Variants in GPATCH2 observed in about 807,000 individuals in gnomAD.
GPATCH2 encodes the protein G patch domain-containing protein 2.
A neutral mutation model predicts 58.0 loss-of-function variants in GPATCH2; 51 were observed. The observed-to-expected ratio is 0.88, with a 90% CI of 0.70 to 1.11. The LOEUF (loss-of-function observed/expected upper bound fraction) is 1.11. Ranked by LOEUF, GPATCH2 falls within the 50% of genes most tolerant of loss-of-function variation. The pLI, the probability that GPATCH2 is intolerant of heterozygous loss-of-function variation, is 0.00. For missense variants in GPATCH2, 625 were observed against 652.2 expected (o/e 0.96, Z 0.45); for synonymous variants, 222 against 218.5 (o/e 1.02, Z -0.14).
chr1:217,593,765 A>G (rs1381915168), intron 5 of GPATCH2, among the ~76,000 whole-genome samples: 2 of 152,080 alleles, frequency 1.3e-5, no homozygotes, highest in Admixed American at 6.5e-5. Flanking sequence ...AATATATGGT[A>G]TTGTAAAAAC....
At chr1:217,436,215 C>A (rs916596111) in intron 9 of GPATCH2, among the ~76,000 whole-genome samples, 3 of 151,766 alleles carry the variant, frequency 2.0e-5, no homozygotes, top group African/African-American at 7.3e-5. Flanking sequence ...AAATAGAAAA[C>A]TGTTTTGGCC....
intron 8 of GPATCH2, among the ~76,000 whole-genome samples, chr1:217,465,595 G>A (rs1023296507): frequency 1.3e-5 from 2 of 152,128 alleles, no homozygotes. Context: ...GATCTGATTG[G>A]TTTATCAGGG....
intron 5 of GPATCH2, among the ~76,000 whole-genome samples, chr1:217,605,882 A>G (rs1469726502): frequency 1.3e-5 from 2 of 152,156 alleles, no homozygotes; most frequent in Admixed American, 1.3e-4. Flanking sequence ...AGTTTAATGC[A>G]CAAACTATGG....
intron 7 of GPATCH2, among the ~76,000 whole-genome samples, chr1:217,496,052 A>G (rs1661991173): frequency 6.6e-6 from 1 of 152,212 alleles, no homozygotes; most frequent in South Asian, 2.1e-4. Context: ...AATAAACTAA[A>G]AGATTTTATA....
In GPATCH2 at chr1:217,565,435, A is replaced by G. The variant is rs545762214; in HGVS notation, c.1098+44886T>C. 1.5e-4 allele frequency among the ~76,000 whole-genome samples: 23 copies of G among 152,338 alleles called. 1 individual carries two copies. The South Asian group carries it at 4.3e-3, about 29-fold the overall frequency. On this transcript the variant is annotated intron_variant, in intron 5 of 9. Coordinates refer to ENST00000366935, the MANE Select transcript of GPATCH2 (RefSeq NM_018040.5). Reference sequence around the variant, plus strand: ...TACGAAATTTAAGGAAATTCCTGAAAAGAAAAACAATACTTTCCAGGAGTT... The same window carrying G: ...TACGAAATTTAAGGAAATTCCTGAAGAGAAAAACAATACTTTCCAGGAGTT...
intron 1 of GPATCH2, among the ~76,000 whole-genome samples, chr1:217,627,900 T>C (rs569753898): frequency 1.3e-5 from 2 of 152,174 alleles, no homozygotes; most frequent in South Asian, 4.1e-4. Flanking sequence ...AAGCTGCCTA[T>C]AGGAAATAAA....
At chr1:217,439,328 A>C (rs1438211339) in intron 9 of GPATCH2, among the ~76,000 whole-genome samples, 1 of 152,222 alleles carries the variant, frequency 6.6e-6, no homozygotes, top group Non-Finnish European at 1.5e-5. Context: ...ATGAGAACAA[A>C]GACACAACGT....
At chr1:217,478,805 G>A (rs915415405) in intron 8 of GPATCH2, among the ~76,000 whole-genome samples, 2 of 151,952 alleles carry the variant, frequency 1.3e-5, no homozygotes, top group Non-Finnish European at 2.9e-5. Context: ...TTAACCAAAA[G>A]AAAACTACCT....
At chr1:217,483,552 T>C (rs1021586964) in intron 8 of GPATCH2, among the ~76,000 whole-genome samples, 2 of 152,178 alleles carry the variant, frequency 1.3e-5, no homozygotes, top group Non-Finnish European at 2.9e-5. Flanking sequence ...TGGTGTGGTG[T>C]GTACAAGTCT....
chr1:217,503,490 T>C (rs11117877), intron 6 of GPATCH2, among the ~76,000 whole-genome samples: 26,096 of 152,064 alleles, frequency 0.17, 3,066 homozygotes, highest in East Asian at 0.5. Context: ...ATCAAAAGCA[T>C]AGGTGTTATG....
At chr1:217,506,895 C>G (rs1662591936) in intron 6 of GPATCH2, among the ~76,000 whole-genome samples, 1 of 152,154 alleles carries the variant, frequency 6.6e-6, no homozygotes, top group African/African-American at 2.4e-5. Flanking sequence ...TTAGCCGTCC[C>G]CATCTCAATG....
At chr1:217,585,175 T>A (rs1558504274) in intron 5 of GPATCH2, among the ~76,000 whole-genome samples, 1 of 152,170 alleles carries the variant, frequency 6.6e-6, no homozygotes, top group Non-Finnish European at 1.5e-5. Context: ...CTATGTTTTC[T>A]TCTACAATTT....
intron 8 of GPATCH2, among the ~76,000 whole-genome samples, chr1:217,470,116 G>A (rs1660651368): frequency 6.6e-6 from 1 of 152,150 alleles, no homozygotes; most frequent in East Asian, 1.9e-4. Flanking sequence ...GGAGTTAAAG[G>A]TTAGTTCTGT....
intron 5 of GPATCH2, among the ~76,000 whole-genome samples, chr1:217,554,702 T>C (rs950846615): frequency 1.4e-4 from 21 of 152,190 alleles, no homozygotes; most frequent in African/African-American, 4.8e-4. Flanking sequence ...GTAAATCCTA[T>C]ACAAATTATA....
chr1:217,498,878 G>A (rs1254619058), intron 6 of GPATCH2: 1 of 203,666 alleles, frequency 4.9e-6, no homozygotes, highest in South Asian at 7.3e-5. Flanking sequence ...ATCAGCTGAG[G>A]TACCTTGGAC....
intron 5 of GPATCH2, among the ~76,000 whole-genome samples, chr1:217,543,353 T>A (rs190087705): frequency 0.019 from 2,715 of 145,722 alleles, 39 homozygotes; most frequent in Middle Eastern, 0.091. Context: ...CACTGCAAGC[T>A]CCGCCTCCCA....
At chr1:217,447,975 A>G (rs1478735577) in intron 9 of GPATCH2, among the ~76,000 whole-genome samples, 1 of 151,942 alleles carries the variant, frequency 6.6e-6, no homozygotes, top group Non-Finnish European at 1.5e-5. Context: ...GTGGGCGCCC[A>G]TAATCCCAAC....
At chr1:217,460,269 A>G (rs1169239109) in intron 8 of GPATCH2, among the ~76,000 whole-genome samples, 1 of 152,230 alleles carries the variant, frequency 6.6e-6, no homozygotes, top group Non-Finnish European at 1.5e-5. Flanking sequence ...ACTCCAAGGA[A>G]CTACTTTTCC....
At chr1:217,577,581 T>C (rs1195190584) in intron 5 of GPATCH2, among the ~76,000 whole-genome samples, 9 of 152,206 alleles carry the variant, frequency 5.9e-5, no homozygotes, top group African/African-American at 1.7e-4. Flanking sequence ...AATACATCCA[T>C]TGAAGTCAGG....
Sources: gnomAD v4.1 joint callset for allele counts (sites outside exome capture counted in the v4.1 genomes callset) on GRCh38, gnomAD v4.1.1 for gene constraint, MANE v1.5 for transcripts, NCBI Gene and HGNC (gene_info 2026-07-23, HGNC 2026-07-21) for gene names.